The following AKT3 variants were observed in gnomAD, a reference collection of about 807,000 sequenced individuals.
AKT3 encodes the protein RAC-gamma serine/threonine-protein kinase.
Under a neutral mutation model 65.3 loss-of-function variants are expected in AKT3, and 15 were observed. That is an observed-to-expected ratio of 0.23 (90% CI 0.15 to 0.35). AKT3 has a LOEUF of 0.35. Among genes scored for constraint, AKT3 ranks in the 10% least tolerant of loss-of-function variants. The pLI is 1.00. For synonymous variants in AKT3, 206 were observed against 183.8 expected, an observed-to-expected ratio of 1.12 and a Z score of -0.98; for missense variants, 243 against 576.5, an observed-to-expected ratio of 0.42 and a Z score of 5.92.
At chr1:243,664,002 T>C (rs1452848226) in intron 4 of AKT3, among the ~76,000 whole-genome samples, 1 of 152,056 alleles carries the variant, frequency 6.6e-6, no homozygotes, top group Non-Finnish European at 1.5e-5. Context: ...ATTAATCCTC[T>C]CTCCCGCTCC....
chr1:243,718,347 G>A (rs900723871), intron 2 of AKT3, among the ~76,000 whole-genome samples: 7 of 152,250 alleles, frequency 4.6e-5, no homozygotes, highest in African/African-American at 1.7e-4. Flanking sequence ...GAAACATCAA[G>A]TGAGTCATGT....
At chr1:243,837,339 C>T (rs981340359) in intron 2 of AKT3, among the ~76,000 whole-genome samples, 11 of 152,140 alleles carry the variant, frequency 7.2e-5, no homozygotes, top group Admixed American at 6.6e-4. Context: ...AAAAATCTTC[C>T]CACAAAGAAA....
chr1:243,804,582 C>T (rs1255483308), intron 2 of AKT3, among the ~76,000 whole-genome samples: 1 of 152,170 alleles, frequency 6.6e-6, no homozygotes, highest in African/African-American at 2.4e-5. Flanking sequence ...TGCGGTGGCT[C>T]ACGCCTGTAA....
chr1:243,757,606 C>T (rs1031335502), intron 2 of AKT3, among the ~76,000 whole-genome samples: 6 of 151,700 alleles, frequency 4.0e-5, no homozygotes, highest in Non-Finnish European at 5.9e-5. Flanking sequence ...CAGCAAAGAG[C>T]GAAACTCCAT....
chr1:243,754,918 C>A (rs961650938), intron 2 of AKT3, among the ~76,000 whole-genome samples: 1 of 152,118 alleles, frequency 6.6e-6, no homozygotes, highest in Non-Finnish European at 1.5e-5. Context: ...GAAGAATGAT[C>A]GGGTTCAAAA....
intron 4 of AKT3, among the ~76,000 whole-genome samples, chr1:243,653,079 A>G (rs1038566166): frequency 6.6e-6 from 1 of 152,068 alleles, no homozygotes; most frequent in Non-Finnish European, 1.5e-5. Context: ...TTTTGAAAAG[A>G]TCAACAAAAT....
chr1:243,590,116 T>C (rs536637204), intron 8 of AKT3, among the ~76,000 whole-genome samples: 1 of 152,164 alleles, frequency 6.6e-6, no homozygotes, highest in Non-Finnish European at 1.5e-5. Context: ...GGGGAGATAC[T>C]TGTCAAATGG....
At chr1:243,755,431 C>T (rs1229021310) in intron 2 of AKT3, among the ~76,000 whole-genome samples, 1 of 151,962 alleles carries the variant, frequency 6.6e-6, no homozygotes, top group Non-Finnish European at 1.5e-5. Flanking sequence ...GTCATATGTG[C>T]AAACCCACCT....
rs984078823 is a variant in AKT3 at position 243,535,846 on chromosome 1, T to G, written c.1251+9664A>C. Among the ~76,000 whole-genome samples, 3 of 152,322 alleles carry G rather than the reference T, an allele frequency of 2.0e-5. No homozygotes were observed. The East Asian group carries it at 5.8e-4, about 29-fold the overall frequency. On this transcript the variant is annotated intron_variant, in intron 12 of 13. Transcript: ENST00000673466. Reference sequence around the variant, plus strand: ...CTAATTTACATTCCCACCAACAGCATGTAAGCATTCCCTTTTTACCGCATC... The same window carrying G: ...CTAATTTACATTCCCACCAACAGCAGGTAAGCATTCCCTTTTTACCGCATC...
intron 2 of AKT3, among the ~76,000 whole-genome samples, chr1:243,739,211 G>GA (rs1189938054): frequency 4.6e-5 from 7 of 152,030 alleles, no homozygotes; most frequent in Non-Finnish European, 1.0e-4. Context: ...AGAGCAAAAA[G>GA]AAAGAGTAAA....
intron 2 of AKT3, among the ~76,000 whole-genome samples, chr1:243,707,460 T>A (rs1206690948): frequency 6.6e-6 from 1 of 152,134 alleles, no homozygotes; most frequent in Middle Eastern, 3.2e-3. Flanking sequence ...ACAGAAATCA[T>A]CTTTCTTAAT....
At chr1:243,850,471 G>C (rs922672209), upstream of AKT3, among the ~76,000 whole-genome samples, 1 of 151,134 alleles carries the variant, frequency 6.6e-6, no homozygotes, top group Non-Finnish European at 1.5e-5. Flanking sequence ...TCTGGGCCCC[G>C]GGGCGCGCCC....
At chr1:243,633,103 C>T (rs2147796729) in intron 6 of AKT3, among the ~76,000 whole-genome samples, 1 of 152,300 alleles carries the variant, frequency 6.6e-6, no homozygotes, top group Non-Finnish European at 1.5e-5. Context: ...TTGGTTGATA[C>T]ATTCAAAGTG....
intron 8 of AKT3, among the ~76,000 whole-genome samples, chr1:243,599,440 C>G (rs1434042800): frequency 6.6e-6 from 1 of 151,970 alleles, no homozygotes. Flanking sequence ...GCACAAAAGA[C>G]AGAAGGCAGG....
intron 2 of AKT3, among the ~76,000 whole-genome samples, chr1:243,716,043 A>G (rs116137608): frequency 0.013 from 1,914 of 152,270 alleles, 43 homozygotes; most frequent in African/African-American, 0.044. Flanking sequence ...TATATCAATG[A>G]CAACACTGCA....
intron 8 of AKT3, among the ~76,000 whole-genome samples, chr1:243,605,614 T>C (rs1397904422): frequency 1.3e-5 from 2 of 152,250 alleles, no homozygotes; most frequent in African/African-American, 4.8e-5. Flanking sequence ...TGAATTCATA[T>C]AAATTACATG....
At chr1:243,630,382 C>T (rs1228306353) in intron 6 of AKT3, among the ~76,000 whole-genome samples, 5 of 152,170 alleles carry the variant, frequency 3.3e-5, no homozygotes, top group Non-Finnish European at 7.4e-5. Context: ...ATCTGTGGAC[C>T]TCTCACACTA....
At chr1:243,609,652 T>C (rs1332067855) in intron 8 of AKT3, among the ~76,000 whole-genome samples, 1 of 152,126 alleles carries the variant, frequency 6.6e-6, no homozygotes, top group African/African-American at 2.4e-5. Context: ...AGTGAGACCC[T>C]AGAGAATCAG....
At chr1:243,752,328 G>A (rs1318221442) in intron 2 of AKT3, among the ~76,000 whole-genome samples, 1 of 152,150 alleles carries the variant, frequency 6.6e-6, no homozygotes, top group Non-Finnish European at 1.5e-5. Context: ...CATGAGCACT[G>A]CTTTCCGAAC....
Sources: gnomAD v4.1 joint callset for allele counts (sites outside exome capture counted in the v4.1 genomes callset) on GRCh38, gnomAD v4.1.1 for gene constraint, MANE v1.5 for transcripts, NCBI Gene and HGNC (gene_info 2026-07-23, HGNC 2026-07-21) for gene names.